The following SNTB2 variants were observed in gnomAD, a reference collection of about 807,000 sequenced individuals.
The protein encoded by SNTB2 is syntrophin beta 2, also known as beta-2-syntrophin.
A neutral mutation model predicts 46.2 loss-of-function variants in SNTB2; 34 were observed. That is an observed-to-expected ratio of 0.74 (90% confidence interval 0.56 to 0.98). The LOEUF (loss-of-function observed/expected upper bound fraction) is 0.98, where lower values mean the gene tolerates loss of function less well. SNTB2 is among the 50% of genes least tolerant of loss of function. The probability of loss-of-function intolerance (pLI) is 0.00; values close to 1 mark genes in which losing one functional copy is unlikely to be tolerated. For synonymous variants in SNTB2, 290 were observed against 312.6 expected, an observed-to-expected ratio of 0.93 and a Z score of 0.76; for missense variants, 603 against 731.4, an observed-to-expected ratio of 0.82 and a Z score of 2.02.
At chr16:69,255,122 G>A (rs979871764) in intron 2 of SNTB2, among the ~76,000 whole-genome samples, 1 of 151,876 alleles carries the variant, frequency 6.6e-6, no homozygotes, top group Non-Finnish European at 1.5e-5. Flanking sequence ...TTTAGAGACA[G>A]GATCTCGCTC....
At chr16:69,234,516 GTAAT>G (rs1964538314) in intron 1 of SNTB2, among the ~76,000 whole-genome samples, 2 of 152,190 alleles carry the variant, frequency 1.3e-5, no homozygotes, top group South Asian at 4.1e-4. Context: ...AAAATACAGT[GTAAT>G]TAGGAATTTT....
intron 5 of SNTB2, among the ~76,000 whole-genome samples, chr16:69,292,431 TA>T (rs1209302003): frequency 1.6e-4 from 2 of 12,378 alleles, no homozygotes; most frequent in African/African-American, 8.9e-4. Context: ...TATATATATA[TA>T]TATTATATAT....
At chr16:69,278,336 A>G (rs1965001400) in intron 4 of SNTB2, among the ~76,000 whole-genome samples, 1 of 151,972 alleles carries the variant, frequency 6.6e-6, no homozygotes, top group African/African-American at 2.4e-5. Context: ...TTAAAAAAAA[A>G]GAAAATATAA....
chr16:69,243,943 AT>A (rs1033286771), intron 1 of SNTB2, among the ~76,000 whole-genome samples: 3 of 152,236 alleles, frequency 2.0e-5, no homozygotes, highest in African/African-American at 7.2e-5. Context: ...GTATAAGAAA[AT>A]AACTTTAACT....
At chr16:69,274,487 A>T (rs1012670110) in intron 4 of SNTB2, among the ~76,000 whole-genome samples, 1 of 151,916 alleles carries the variant, frequency 6.6e-6, no homozygotes, top group African/African-American at 2.4e-5. Context: ...CCCCGTCTCT[A>T]CTAAAACTAC....
chr16:69,200,091 T>G (rs1964146839), intron 1 of SNTB2, among the ~76,000 whole-genome samples: 1 of 152,110 alleles, frequency 6.6e-6, no homozygotes, highest in Admixed American at 6.6e-5. Context: ...ATTTTTTGTA[T>G]TTTTAGTAGA....
At position 69,187,486 on chromosome 16, in the gene SNTB2, C is replaced by T. The variant is rs755478927; in HGVS notation, c.320C>T (p.Ala107Val). ...CCGCCTCGGGGCCCCGCGGGTGAGG[C>T]GGGCGCGTCGCCGCCCGTGCGCCGG... ...PAPPRGPAGE[A>V]GASPPVRRVR... is the part of the protein sequence containing the mutation. Residue 107 changes from alanine (A) to valine (V), a missense_variant, in exon 1 of 7, where the codon GCG becomes GTG. Transcript: ENST00000336278. 3 of 1,237,930 alleles carry T rather than the reference C, an allele frequency of 2.4e-6. No homozygotes were observed. The highest frequency in any genetic ancestry group is 3.2e-5 in the East Asian group (1 of 31,382). 76.7% of individuals were successfully genotyped at this position (1,237,930 alleles called of 1,614,324 possible). A position where few individuals can be genotyped will look rare whatever the true frequency, so the allele number is the denominator to read the frequency against.
intron 1 of SNTB2, among the ~76,000 whole-genome samples, chr16:69,232,849 G>A (rs1424157122): frequency 6.6e-6 from 1 of 152,034 alleles, no homozygotes; most frequent in Non-Finnish European, 1.5e-5. Context: ...TTTAATTGCT[G>A]GGGACAAATT....
chr16:69,210,700 T>TA (rs1376679002), intron 1 of SNTB2, among the ~76,000 whole-genome samples: 1 of 151,978 alleles, frequency 6.6e-6, no homozygotes, highest in African/African-American at 2.4e-5. Flanking sequence ...TTTTAAGAAA[T>TA]ATATTTTGTA....
At chr16:69,236,623 A>T (rs1375798193) in intron 1 of SNTB2, among the ~76,000 whole-genome samples, 5 of 152,094 alleles carry the variant, frequency 3.3e-5, no homozygotes, top group Non-Finnish European at 7.4e-5. Flanking sequence ...CTGTACATGT[A>T]AAAAATATGG....
At position 69,259,425 on chromosome 16, in the gene SNTB2, A is replaced by G. The variant is rs1421816182; in HGVS notation, c.795-625A>G. ...ATTTTTTGTATTTTTGGTAGAGTCA[A>G]GGTTTCACTGTGTTGGCCAGACTGG... On this transcript the variant is annotated intron_variant, in intron 2 of 6. Transcript: ENST00000336278. Among the ~76,000 whole-genome samples the G allele has an allele frequency of 2.7e-5, 4 of 150,002 alleles. No homozygotes were observed. In the Admixed American group the frequency reaches 2.7e-4, roughly 10 times the overall value.
At chr16:69,235,727 A>G in intron 1 of SNTB2, 1 of 1,288,634 alleles carries the variant, frequency 7.8e-7, no homozygotes, top group Non-Finnish European at 1.0e-6. Flanking sequence ...TAGTACCAGG[A>G]ATTTTTTTCT....
At chr16:69,289,758 C>CA (rs1247924962) in intron 5 of SNTB2, among the ~76,000 whole-genome samples, 1 of 152,030 alleles carries the variant, frequency 6.6e-6, no homozygotes, top group East Asian at 1.9e-4. Context: ...CCCGTCTCTA[C>CA]AAAAAATTAA....
intron 5 of SNTB2, among the ~76,000 whole-genome samples, chr16:69,287,486 C>T (rs1171541540): frequency 2.6e-5 from 4 of 152,096 alleles, no homozygotes; most frequent in Non-Finnish European, 4.4e-5. Context: ...ATGAGAATTG[C>T]TTGAACCCGG....
At chr16:69,292,399 T>A (rs1965175450) in intron 5 of SNTB2, among the ~76,000 whole-genome samples, 2 of 25,502 alleles carry the variant, frequency 7.8e-5, no homozygotes, top group Non-Finnish European at 1.2e-4. Flanking sequence ...ATTATATATA[T>A]ATATATATTA....
At chr16:69,237,654 G>A (rs1178619276) in intron 1 of SNTB2, among the ~76,000 whole-genome samples, 1 of 145,838 alleles carries the variant, frequency 6.9e-6, no homozygotes, top group Non-Finnish European at 1.5e-5. Flanking sequence ...CCAGGCTGGA[G>A]TGCAATGGTG....
intron 1 of SNTB2, chr16:69,235,960 C>T (rs541572640): frequency 3.1e-5 from 26 of 828,684 alleles, no homozygotes; most frequent in African/African-American, 5.4e-5. Flanking sequence ...CCATTACTTT[C>T]GCATTAGGAT....
Position 69,301,005 on chromosome 16 carries a change from CTT to C in SNTB2, c.*83_*84del. On this transcript the variant is annotated 3_prime_UTR_variant, in exon 7 of 7. Coordinates refer to ENST00000336278, the MANE Select transcript of SNTB2 (RefSeq NM_006750.4). ...AAAAAAAAAAGCACAAAAAGAAACT[CTT>C]TGCTCTCCTTCAGCACAGTGCCTTC... 1 of 864,288 alleles carries C rather than the reference CTT, an allele frequency of 1.2e-6. No individual in the cohort carries two copies. The highest frequency in any genetic ancestry group is 2.3e-5 in the Admixed American group (1 of 43,298). The allele number at this position is 864,288 out of a possible 1,614,324, so 53.5% of individuals were successfully genotyped here.
At chr16:69,219,855 A>G (rs1390185190) in intron 1 of SNTB2, among the ~76,000 whole-genome samples, 1 of 151,782 alleles carries the variant, frequency 6.6e-6, no homozygotes, top group African/African-American at 2.4e-5. Context: ...GGTTTAAGCA[A>G]TTCTCCTGCC....
Sources: gnomAD v4.1 joint callset for allele counts (sites outside exome capture counted in the v4.1 genomes callset) on GRCh38, gnomAD v4.1.1 for gene constraint, MANE v1.5 for transcripts, NCBI Gene and HGNC (gene_info 2026-07-23, HGNC 2026-07-21) for gene names.